Variants in FAM234A observed in about 807,000 individuals in gnomAD.
FAM234A encodes the protein protein FAM234A.
Under a neutral mutation model 49.1 loss-of-function variants are expected in FAM234A, and 42 were observed. That is an observed-to-expected ratio of 0.86 (90% CI 0.67 to 1.11). The LOEUF is 1.11. Ranked by LOEUF, FAM234A falls within the 50% of genes least tolerant of loss-of-function variation. The pLI is 0.00. For missense variants in FAM234A, 815 were observed against 745.2 expected, an observed-to-expected ratio of 1.09 and a Z score of -1.09; for synonymous variants, 369 against 316.2, an observed-to-expected ratio of 1.17 and a Z score of -1.77.
chr16:260,414 G>T, intron 5 of FAM234A: 1 of 561,956 alleles, frequency 1.8e-6, no homozygotes, highest in Non-Finnish European at 3.3e-6. Flanking sequence ...AACACACAGG[G>T]GCAGTCCGAT....
rs866805780 is a variant in FAM234A, at chr16:265,219, C to G, written c.*197C>G. 7.2e-7 allele frequency: 1 copy of G among 1,398,434 alleles called. No individual in the cohort carries two copies. Among genetic ancestry groups the G allele is most frequent in the Non-Finnish European group, 9.3e-7 (1 of 1,079,934 alleles). 86.6% of individuals were successfully genotyped at this position (1,398,434 alleles called of 1,614,324 possible). On this transcript the variant is annotated 3_prime_UTR_variant, in exon 13 of 13. Transcript: ENST00000399932. ...GCATGGGTGAGGGGACACCCTGGGC[C>G]TCTCTCCCGCCCAGCATCCTCCCTG...
intron 9 of FAM234A, 72 bp from the exon 10 acceptor site, chr16:263,628 T>C: frequency 7.4e-7 from 1 of 1,359,892 alleles, no homozygotes; most frequent in South Asian, 1.2e-5. Flanking sequence ...GGCGGACGTG[T>C]TCCTGGGTGC....
chr16:260,992 G>T (rs1466497916), intron 5 of FAM234A, among the ~76,000 whole-genome samples: 13 of 152,138 alleles, frequency 8.5e-5, no homozygotes, highest in Admixed American at 7.9e-4. Flanking sequence ...CCAGCAGGAG[G>T]CAGGGGCTTC....
rs79340838 is a variant in FAM234A at position 241,406 on chromosome 16, G to T, written c.-140+6549G>T. Among the ~76,000 whole-genome samples, 774 of 151,998 alleles carry T rather than the reference G, an allele frequency of 5.1e-3. 42 individuals are homozygous for T. The East Asian group carries it at 0.11, about 22-fold the overall frequency. ...AGAGGAGCCTGGGCAACATAGTGAG[G>T]CTCTCATTTCTACAAAAAATTTAAA... On this transcript the variant is annotated intron_variant, in intron 1 of 12. Transcript: ENST00000399932.
chr16:268,590 G>A (rs959117829), downstream of FAM234A: 3 of 625,636 alleles, frequency 4.8e-6, no homozygotes, highest in Middle Eastern at 4.3e-4. Flanking sequence ...CTCGTCAGTG[G>A]GGTGACAATG....
intron 1 of FAM234A, among the ~76,000 whole-genome samples, chr16:248,864 A>G (rs1247162456): frequency 1.3e-5 from 2 of 151,742 alleles, no homozygotes; most frequent in Non-Finnish European, 2.9e-5. Context: ...CAAGCGACCC[A>G]CCTGCCTCAG....
intron 2 of FAM234A, among the ~76,000 whole-genome samples, chr16:252,889 T>C (rs1259591052): frequency 6.6e-6 from 1 of 152,160 alleles, no homozygotes; most frequent in Non-Finnish European, 1.5e-5. Context: ...CCCTCTTTCA[T>C]CTTTCACCCC....
At chr16:269,504 G>A (rs757464684), downstream of FAM234A, 14 of 1,612,772 alleles carry the variant, frequency 8.7e-6, no homozygotes, top group Admixed American at 3.3e-5. Context: ...TGGGCTCACC[G>A]TCTCTTCATC....
At chr16:269,300 C>T, downstream of FAM234A, 1 of 1,585,734 alleles carries the variant, frequency 6.3e-7, no homozygotes, top group Admixed American at 1.8e-5. Flanking sequence ...CCCAGGGCCA[C>T]AAGCCGCTGT....
intron 3 of FAM234A, 38 bp from the exon 4 acceptor site, chr16:259,445 A>G: frequency 8.4e-7 from 1 of 1,188,198 alleles, no homozygotes; most frequent in Admixed American, 1.7e-5. Flanking sequence ...GAAACCAGGC[A>G]TGGCCCGCGG....
chr16:265,550 A>G lies in FAM234A; in HGVS notation c.*528A>G, dbSNP rs1033493497. The G allele has an allele frequency of 1.0e-6, 1 of 985,956 alleles. No individual in the cohort carries two copies. Among genetic ancestry groups the G allele is most frequent in the African/African-American group, 1.7e-5 (1 of 57,314 alleles). 61.1% of individuals were successfully genotyped at this position (985,956 alleles called of 1,614,324 possible). ...GGTACTGGGCCTCAACGGGAACCTG[A>G]GACAGCTCCAGCTTCGCAGCCCTTC... On this transcript the variant is annotated 3_prime_UTR_variant, in exon 13 of 13. Coordinates refer to ENST00000399932, the MANE Select transcript of FAM234A (RefSeq NM_032039.4).
intron 1 of FAM234A, among the ~76,000 whole-genome samples, chr16:238,343 A>G (rs967438210): frequency 6.6e-6 from 1 of 152,006 alleles, no homozygotes; most frequent in African/African-American, 2.4e-5. Context: ...TTAAACCACT[A>G]TGCAGCTTAC....
rs777606548 is a variant in FAM234A, at chr16:264,115, C to A, written c.1288C>A (p.His430Asn). Residue 430 changes from histidine to asparagine, a missense_variant, in exon 11 of 13, where the codon CAC (histidine) becomes AAC (asparagine). Physicochemically the swap from His to Asn is moderately conservative, Grantham distance 68. Coordinates refer to ENST00000399932, the MANE Select transcript of FAM234A (RefSeq NM_032039.4). ...GTCCGCCAGCCTGCCGACCGCAGAC[C>A]ACCGCTCAGCCTTCTTCTTCTGGGG... ...PLSASLPTAD[H>N]RSAFFFWGLH... 1.2e-6 allele frequency: 2 copies of A among 1,611,172 alleles called. No homozygotes were observed. Among genetic ancestry groups the A allele is most frequent in the Non-Finnish European group, 1.7e-6 (2 of 1,179,886 alleles).
At chr16:255,865 G>A (rs2051211348) in intron 3 of FAM234A, among the ~76,000 whole-genome samples, 1 of 152,156 alleles carries the variant, frequency 6.6e-6, no homozygotes, top group African/African-American at 2.4e-5. Context: ...GTTTCTCCGT[G>A]TTGGTCAGGC....
intron 1 of FAM234A, among the ~76,000 whole-genome samples, chr16:239,519 G>T (rs1424285190): frequency 6.6e-6 from 1 of 150,588 alleles, no homozygotes; most frequent in African/African-American, 2.5e-5. Flanking sequence ...GGAGGCTGAG[G>T]CAGGAGAATG....
chr16:252,745 C>G (rs918323331), intron 2 of FAM234A, among the ~76,000 whole-genome samples: 1 of 152,206 alleles, frequency 6.6e-6, no homozygotes, highest in African/African-American at 2.4e-5. Flanking sequence ...TATAATTAGG[C>G]AAAGACAAAG....
chr16:266,843 G>A (rs1219706828), downstream of FAM234A, among the ~76,000 whole-genome samples: 1 of 152,168 alleles, frequency 6.6e-6, no homozygotes, highest in Non-Finnish European at 1.5e-5. Flanking sequence ...GGGGCTGGAG[G>A]GAGAAGGGAA....
intron 3 of FAM234A, among the ~76,000 whole-genome samples, chr16:258,082 C>G (rs977162495): frequency 6.6e-6 from 1 of 151,548 alleles, no homozygotes; most frequent in Non-Finnish European, 1.5e-5. Flanking sequence ...TCTCGGACTC[C>G]TGACCTTGTG....
chr16:266,703 C>T (rs1353477016), downstream of FAM234A, among the ~76,000 whole-genome samples: 1 of 152,170 alleles, frequency 6.6e-6, no homozygotes, highest in African/African-American at 2.4e-5. Context: ...CAGGTGGGTG[C>T]CCTCGTGCCA....
Sources: gnomAD v4.1 joint callset for allele counts (sites outside exome capture counted in the v4.1 genomes callset) on GRCh38, gnomAD v4.1.1 for gene constraint, MANE v1.5 for transcripts, NCBI Gene and HGNC (gene_info 2026-07-23, HGNC 2026-07-21) for gene names.